Variants in GOLGA8B observed in about 807,000 individuals in gnomAD.
The protein encoded by GOLGA8B is golgin A8 family member B, also known as golgin subfamily A member 8B.
A neutral mutation model predicts 15.6 loss-of-function variants in GOLGA8B; 1 was observed. That is an observed-to-expected ratio of 0.06 (90% CI 0.02 to 0.30). The LOEUF (loss-of-function observed/expected upper bound fraction) is 0.30, where lower values mean the gene tolerates loss of function less well. Ranked by LOEUF, GOLGA8B falls within the 10% of genes least tolerant of loss-of-function variation. The pLI is 1.00. For missense variants in GOLGA8B, 17 were observed against 201.3 expected, an observed-to-expected ratio of 0.08 and a Z score of 5.54; for synonymous variants, 9 against 80.3, an observed-to-expected ratio of 0.11 and a Z score of 4.75.
intron 1 of GOLGA8B, among the ~76,000 whole-genome samples, chr15:34,567,711 C>T (rs1473566328): frequency 3.9e-5 from 6 of 151,980 alleles, no homozygotes; most frequent in South Asian, 2.1e-4. Flanking sequence ...ATGACGCACA[C>T]GGGCAGATAT....
intron 1 of GOLGA8B, among the ~76,000 whole-genome samples, chr15:34,562,319 A>G (rs1490345790): frequency 3.9e-5 from 2 of 50,730 alleles, no homozygotes; most frequent in African/African-American, 1.2e-4. Flanking sequence ...GTCCAGTTTC[A>G]TTTCTACCAC....
chr15:34,581,091 C>T (rs1439992138), intron 1 of GOLGA8B, among the ~76,000 whole-genome samples: 1 of 152,162 alleles, frequency 6.6e-6, no homozygotes, highest in Non-Finnish European at 1.5e-5. Context: ...TGCAGGGCCT[C>T]GATCCCCACC....
intron 1 of GOLGA8B, chr15:34,574,826 C>T (rs34532217): frequency 2.1e-5 from 3 of 145,782 alleles, no homozygotes; most frequent in Admixed American, 1.4e-4. Context: ...GCAACTTACC[C>T]ATAAAACAGG....
At chr15:34,578,890 A>G (rs533932902) in intron 1 of GOLGA8B, among the ~76,000 whole-genome samples, 1 of 152,232 alleles carries the variant, frequency 6.6e-6, no homozygotes, top group East Asian at 1.9e-4. Context: ...TTACATTAAA[A>G]CAGCCCTTTA....
intron 1 of GOLGA8B, among the ~76,000 whole-genome samples, chr15:34,571,474 C>T (rs1396802220): frequency 6.6e-6 from 1 of 151,522 alleles, no homozygotes; most frequent in East Asian, 1.9e-4. Flanking sequence ...GATAGTGGCA[C>T]AACAATAAAG....
chr15:34,583,068 G>A (rs1228116764), intron 1 of GOLGA8B, among the ~76,000 whole-genome samples: 4 of 152,198 alleles, frequency 2.6e-5, no homozygotes, highest in African/African-American at 4.8e-5. Flanking sequence ...GAACCCAGAG[G>A]CGACCCCAAA....
chr15:34,550,889 G>A (rs1888372551), intron 4 of GOLGA8B, among the ~76,000 whole-genome samples: 1 of 119,980 alleles, frequency 8.3e-6, no homozygotes, highest in Non-Finnish European at 1.7e-5. Context: ...AAGACACTTG[G>A]GAGGGTGAGG....
chr15:34,574,728 G>C (rs36030064), intron 1 of GOLGA8B: 1 of 152,058 alleles, frequency 6.6e-6, no homozygotes, highest in Non-Finnish European at 1.5e-5. Flanking sequence ...AATGAAGCGG[G>C]CATGGGCCTC....
Position 34,525,306 on chromosome 15 carries a change from A to G in GOLGA8B, c.*2326T>C, listed in dbSNP as rs3538. 0.56 allele frequency: 83,365 copies of G among 148,914 alleles called. 26,565 individuals are homozygous for G. Among genetic ancestry groups the G allele is most frequent in the African/African-American group, 0.68 (27,196 of 40,236 alleles). 9.2% of individuals were successfully genotyped at this position (148,914 alleles called of 1,614,324 possible). On this transcript the variant is annotated 3_prime_UTR_variant, in exon 24 of 24. Transcript: ENST00000683415. ...CTTTGCAACAATTTAATAATTTATCACATTACAGTAGCATCACACCAGCAG... is the reference window on the plus strand; with the variant it reads ...CTTTGCAACAATTTAATAATTTATCGCATTACAGTAGCATCACACCAGCAG...
chr15:34,577,090 G>C (rs1889103779), intron 1 of GOLGA8B, among the ~76,000 whole-genome samples: 1 of 151,692 alleles, frequency 6.6e-6, no homozygotes, highest in African/African-American at 2.4e-5. Context: ...GCTTCCCAGA[G>C]CTTCCAGTTC....
chr15:34,568,671 A>T (rs1431116080), intron 1 of GOLGA8B, among the ~76,000 whole-genome samples: 1 of 30,470 alleles, frequency 3.3e-5, no homozygotes, highest in Non-Finnish European at 5.6e-5. Context: ...CAACATAGTG[A>T]GATCCCGTCT....
At chr15:34,573,309 C>G (rs1267997466) in intron 1 of GOLGA8B, among the ~76,000 whole-genome samples, 1 of 152,108 alleles carries the variant, frequency 6.6e-6, no homozygotes, top group Non-Finnish European at 1.5e-5. Flanking sequence ...GAGGCTGAAG[C>G]AGGCAGATCA....
intron 1 of GOLGA8B, among the ~76,000 whole-genome samples, chr15:34,581,797 C>T (rs1317864559): frequency 6.6e-6 from 1 of 152,176 alleles, no homozygotes; most frequent in African/African-American, 2.4e-5. Flanking sequence ...AAGAGCCAGA[C>T]AGTGGGGACG....
Position 34,564,866 on chromosome 15 carries a change from G to A in GOLGA8B, c.-1122-10910C>T, listed in dbSNP as rs1888718323. Among the ~76,000 whole-genome samples the A allele has an allele frequency of 2.1e-5, 3 of 144,176 alleles. 1 individual carries two copies. Among genetic ancestry groups the A allele is most frequent in the Non-Finnish European group, 4.8e-5 (3 of 62,786 alleles). 94.6% of individuals were successfully genotyped at this position (144,176 alleles called of 152,430 possible). A position where few individuals can be genotyped will look rare whatever the true frequency, so the allele number is the denominator to read the frequency against. On this transcript the variant is annotated intron_variant, in intron 1 of 23. Coordinates refer to ENST00000683415, the MANE Select transcript of GOLGA8B (RefSeq NM_001023567.5). ...TGCCATGGAGTCTGGACTCCACCCT[G>A]TAGGTGACAGGAGCCAAGACAGGGC... is the stretch of plus-strand genomic sequence containing the variant.
At position 34,576,733 on chromosome 15, in the gene GOLGA8B, G is replaced by C. The variant is rs867582321; in HGVS notation, c.-1123+6783C>G. Among the ~76,000 whole-genome samples the C allele has an allele frequency of 3.3e-5, 5 of 152,320 alleles. No individual in the cohort carries two copies. In the South Asian group the frequency reaches 1.0e-3, roughly 32 times the overall value. On this transcript the variant is annotated intron_variant, in intron 1 of 23. Transcript: ENST00000683415. ...GGCTCAGAATCTAGCAGTCAGGCCA[G>C]GTGGGAAGTGCAGGGACCTGTGGCC...
At chr15:34,564,898 C>G (rs1182439056) in intron 1 of GOLGA8B, among the ~76,000 whole-genome samples, 2 of 143,988 alleles carry the variant, frequency 1.4e-5, no homozygotes, top group South Asian at 4.3e-4. Context: ...GGGCTTGGCA[C>G]AAACACATGG....
At chr15:34,572,151 T>C (rs952468844) in intron 1 of GOLGA8B, among the ~76,000 whole-genome samples, 10 of 152,230 alleles carry the variant, frequency 6.6e-5, no homozygotes, top group Admixed American at 4.6e-4. Flanking sequence ...AGACTGATCA[T>C]GTCCAGAGAG....
At chr15:34,570,017 C>T (rs1284508278) in intron 1 of GOLGA8B, among the ~76,000 whole-genome samples, 2 of 152,196 alleles carry the variant, frequency 1.3e-5, no homozygotes, top group Non-Finnish European at 2.9e-5. Context: ...ACCCTTTGGC[C>T]ACTGAGTCAC....
At chr15:34,578,727 G>A (rs867383028) in intron 1 of GOLGA8B, among the ~76,000 whole-genome samples, 2 of 152,154 alleles carry the variant, frequency 1.3e-5, no homozygotes, top group African/African-American at 2.4e-5. Flanking sequence ...CAGTGGTTTC[G>A]CCATGAAAAC....
Sources: gnomAD v4.1 joint callset for allele counts (sites outside exome capture counted in the v4.1 genomes callset) on GRCh38, gnomAD v4.1.1 for gene constraint, MANE v1.5 for transcripts, NCBI Gene and HGNC (gene_info 2026-07-23, HGNC 2026-07-21) for gene names.